DNAH9: variants seen among roughly 807,000 people sequenced by gnomAD.
DNAH9 encodes the protein DNAH9 variant protein.
In DNAH9, 345 loss-of-function variants were observed where a neutral mutation model predicts 471.6. The ratio of observed to expected loss-of-function variants is 0.73; its 90% CI spans 0.67 to 0.80. The LOEUF is 0.80. Ranked by LOEUF, DNAH9 falls within the 30% of genes least tolerant of loss-of-function variation. DNAH9 has a pLI of 0.00. For synonymous variants in DNAH9, 2,093 were observed against 2,123.6 expected (o/e 0.99, Z 0.40); for missense variants, 5,407 against 5,609.2 (o/e 0.96, Z 1.15).
chr17:11,715,217 G>T (rs138103002), intron 26 of DNAH9, among the ~76,000 whole-genome samples: 3 of 152,210 alleles, frequency 2.0e-5, no homozygotes, highest in East Asian at 1.9e-4. Context: ...ACCAAAAAAA[G>T]AATTTATTGC....
At chr17:11,611,805 A>G in intron 4 of DNAH9, 25 bp downstream of exon 4, 1 of 1,613,190 alleles carries the variant, frequency 6.2e-7, no homozygotes, top group Non-Finnish European at 8.5e-7. Context: ...GTGTTTTCAC[A>G]AATGTGTTTG....
chr17:11,876,602 A>G (rs112581319), intron 53 of DNAH9, among the ~76,000 whole-genome samples: 96 of 152,346 alleles, frequency 6.3e-4, no homozygotes, highest in Middle Eastern at 3.4e-3. Context: ...TTCCCAGGGT[A>G]GCCAAATTCA....
chr17:11,661,073 A>G (rs1228796131), intron 14 of DNAH9, among the ~76,000 whole-genome samples: 1 of 148,330 alleles, frequency 6.7e-6, no homozygotes, highest in Non-Finnish European at 1.5e-5. Context: ...TATAATAACT[A>G]TAAATTTCAC....
chr17:11,755,952 G>A (rs973249483), intron 33 of DNAH9, among the ~76,000 whole-genome samples: 2 of 152,144 alleles, frequency 1.3e-5, no homozygotes, highest in Admixed American at 6.5e-5. Flanking sequence ...CAGACAGAGA[G>A]AATGAGAGCC....
chr17:11,680,117 G>A (rs1035189069), intron 18 of DNAH9, 138 bp downstream of exon 18: 21 of 672,736 alleles, frequency 3.1e-5, no homozygotes, highest in African/African-American at 2.7e-4. Context: ...ATAATGTGTA[G>A]CGTATTTGTA....
At chr17:11,899,334 A>T (rs1973328234) in intron 59 of DNAH9, among the ~76,000 whole-genome samples, 1 of 152,146 alleles carries the variant, frequency 6.6e-6, no homozygotes, top group East Asian at 1.9e-4. Flanking sequence ...GTCCCATCAA[A>T]TGTAGAACTT....
At position 11,744,868 on chromosome 17, in the gene DNAH9, C is replaced by G. The variant is rs1383745018; in HGVS notation, c.6183C>G (p.Asp2061Glu). 6.2e-7 allele frequency: 1 copy of G among 1,614,140 alleles called. No individual in the cohort carries two copies. Among genetic ancestry groups the G allele is most frequent in the African/African-American group, 1.3e-5 (1 of 75,044 alleles). ...LVVAGSLKRGDPDRPEDQVLM... is the reference protein window; with the variant it reads ...LVVAGSLKRGEPDRPEDQVLM... ...TGGCAGGATCCCTGAAGAGAGGAGA[C>G]CCTGACCGGCCTGAGGACCAGGTCC... Residue 2061 changes from aspartate to glutamate, a missense_variant, in exon 31 of 69, where the codon GAC becomes GAG. Transcript: ENST00000262442.
intron 62 of DNAH9, 118 bp from the exon 63 acceptor site, chr17:11,929,748 T>A (rs1252920501): frequency 2.4e-5 from 20 of 829,838 alleles, no homozygotes; most frequent in Non-Finnish European, 3.7e-5. Flanking sequence ...CCACAATTTT[T>A]AAAAATTATG....
At chr17:11,882,710 G>A (rs1359091159) in intron 55 of DNAH9, among the ~76,000 whole-genome samples, 4 of 152,274 alleles carry the variant, frequency 2.6e-5, no homozygotes, top group Non-Finnish European at 5.9e-5. Flanking sequence ...ATAGTGATAA[G>A]AATTTTTAAG....
Position 11,673,221 on chromosome 17 carries a change from A to G in DNAH9, c.3353+3427A>G, listed in dbSNP as rs567769494. Among the ~76,000 whole-genome samples the G allele has an allele frequency of 3.3e-5, 5 of 152,142 alleles. No homozygotes were observed. The East Asian group carries it at 9.7e-4, about 29-fold the overall frequency. ...TTCAAATATTTTCTCTGCCTTTATG[A>G]CTCTGCCTCTCATTTCACTGAGAAA... is the stretch of plus-strand genomic sequence containing the variant. On this transcript the variant is annotated intron_variant, in intron 17 of 68. Coordinates refer to ENST00000262442, the MANE Select transcript of DNAH9 (RefSeq NM_001372.4).
At chr17:11,604,631 C>A (rs746521830) in intron 1 of DNAH9, among the ~76,000 whole-genome samples, 66 of 152,222 alleles carry the variant, frequency 4.3e-4, no homozygotes, top group Admixed American at 7.9e-4. Flanking sequence ...CTCCTCCCCA[C>A]ATCAGTTGAC....
chr17:11,606,158 C>T (rs2072499487), intron 1 of DNAH9, among the ~76,000 whole-genome samples: 1 of 152,072 alleles, frequency 6.6e-6, no homozygotes, highest in Non-Finnish European at 1.5e-5. Flanking sequence ...GTTGTAAGTT[C>T]CCAGCTCAGT....
intron 60 of DNAH9, among the ~76,000 whole-genome samples, chr17:11,903,689 C>T (rs1018747462): frequency 2.6e-5 from 4 of 151,994 alleles, no homozygotes; most frequent in Admixed American, 2.6e-4. Context: ...GGCGGCGGAT[C>T]GCTTAAGGTC....
intron 67 of DNAH9, among the ~76,000 whole-genome samples, chr17:11,945,213 G>A (rs890198974): frequency 6.6e-6 from 1 of 152,134 alleles, no homozygotes; most frequent in African/African-American, 2.4e-5. Flanking sequence ...AATTCTGCTT[G>A]AGGTTTTCCT....
rs373908394 is a variant in DNAH9 at position 11,881,272 on chromosome 17, C to T, written c.10665C>T (p.Thr3555=). 22 of 1,614,056 alleles carry T rather than the reference C, an allele frequency of 1.4e-5. No homozygotes were observed. Among genetic ancestry groups the T allele is most frequent in the South Asian group, 1.3e-4 (12 of 91,082 alleles). The change falls in exon 55 of 69, where the codon ACC becomes ACT. Residue 3555 remains threonine (T), a synonymous_variant. Transcript: ENST00000262442. ...CCAAGTTCCGGCTCATCCTCCACAC[C>T]AAGCTGGCTAATCCTCACTACCAGC... ...YNPKFRLILH[T]KLANPHYQPE... is the part of the protein sequence containing the mutation.
At chr17:11,642,583 G>A (rs1297929220) in intron 10 of DNAH9, among the ~76,000 whole-genome samples, 2 of 152,186 alleles carry the variant, frequency 1.3e-5, no homozygotes, top group African/African-American at 4.8e-5. Context: ...TCTATAATAG[G>A]TATTGATTGG....
chr17:11,869,302 G>A (rs538035682), intron 51 of DNAH9, 49 bp downstream of exon 51: 3 of 1,602,068 alleles, frequency 1.9e-6, no homozygotes, highest in Non-Finnish European at 2.6e-6. Flanking sequence ...TAGCAGGCTT[G>A]TCAAATGCCG....
At chr17:11,681,929 C>G (rs535400046) in intron 19 of DNAH9, among the ~76,000 whole-genome samples, 2 of 152,222 alleles carry the variant, frequency 1.3e-5, no homozygotes, top group African/African-American at 4.8e-5. Flanking sequence ...CTCCAGATTC[C>G]TCATCTATAA....
At chr17:11,917,752 TG>T (rs1275954024) in intron 61 of DNAH9, among the ~76,000 whole-genome samples, 1 of 152,234 alleles carries the variant, frequency 6.6e-6, no homozygotes, top group African/African-American at 2.4e-5. Context: ...TAGCATTGCA[TG>T]GCGTTACGAT....
Sources: gnomAD v4.1 joint callset for allele counts (sites outside exome capture counted in the v4.1 genomes callset) on GRCh38, gnomAD v4.1.1 for gene constraint, MANE v1.5 for transcripts, NCBI Gene and HGNC (gene_info 2026-07-23, HGNC 2026-07-21) for gene names.